TPGS2: variants seen among roughly 807,000 people sequenced by gnomAD.
The protein encoded by TPGS2 is tubulin polyglutamylase complex subunit 2.
Under a neutral mutation model 31.1 loss-of-function variants are expected in TPGS2, and 26 were observed. The observed-to-expected ratio is 0.84, with a 90% confidence interval of 0.61 to 1.16. The LOEUF is 1.16. TPGS2 is among the 50% of genes most tolerant of loss of function. The probability of loss-of-function intolerance (pLI) is 0.00; values close to 1 mark genes in which losing one functional copy is unlikely to be tolerated. For synonymous variants in TPGS2, 130 were observed against 136.6 expected, an observed-to-expected ratio of 0.95 and a Z score of 0.34; for missense variants, 351 against 363.8, an observed-to-expected ratio of 0.96 and a Z score of 0.29.
In TPGS2 at chr18:36,818,916, T is replaced by G. The variant is rs764918157; in HGVS notation, c.143A>C (p.His48Pro). 17 of 1,613,672 alleles carry G rather than the reference T, an allele frequency of 1.1e-5. No homozygotes were observed. Among genetic ancestry groups the G allele is most frequent in the Non-Finnish European group, 1.4e-5 (17 of 1,179,782 alleles). ...TIIEKPPAERHMISSWEQKNN... is the reference protein window; with the variant it reads ...TIIEKPPAERPMISSWEQKNN... ...TACTTGTTCCCAGGAAGAAATCATA[T>G]GACGTTCAGCAGGAGGCTTTTCTAT... The change falls in exon 2 of 7, where the codon CAT (histidine) becomes CCT (proline). Residue 48 changes from histidine to proline, a missense_variant. His to Pro is a moderately conservative substitution (Grantham distance 77, BLOSUM62 -2). Transcript: ENST00000334295.
chr18:36,810,406 A>C (rs2045367232), intron 2 of TPGS2, among the ~76,000 whole-genome samples: 1 of 151,998 alleles, frequency 6.6e-6, no homozygotes, highest in Non-Finnish European at 1.5e-5. Flanking sequence ...TTCTGTTCTA[A>C]CCAACCTGAA....
At chr18:36,798,027 A>C (rs2044617963) in intron 6 of TPGS2, 1 of 381,398 alleles carries the variant, frequency 2.6e-6, no homozygotes, top group African/African-American at 2.1e-5. Flanking sequence ...GTGTGCATGC[A>C]TGCTTTATGT....
chr18:36,818,897 T>C lies in TPGS2; in HGVS notation c.162A>G (p.Glu54=). 6.2e-7 allele frequency: 1 copy of C among 1,613,502 alleles called. No homozygotes were observed. Among genetic ancestry groups the C allele is most frequent in the Non-Finnish European group, 8.5e-7 (1 of 1,179,516 alleles). Residue 54 remains glutamate, a synonymous_variant, in exon 2 of 7, where the codon GAA becomes GAG. Coordinates refer to ENST00000334295, the MANE Select transcript of TPGS2 (RefSeq NM_015476.4). The stretch of plus-strand genomic sequence containing the variant: ...GAGTTCATGTGGCAACACTTACTTG[T>C]TCCCAGGAAGAAATCATATGACGTT... ...PAERHMISSW[E]QKNNCVMPED... is the part of the protein sequence containing the mutation.
chr18:36,791,515 G>A (rs977457212), downstream of TPGS2, among the ~76,000 whole-genome samples: 1 of 152,190 alleles, frequency 6.6e-6, no homozygotes, highest in African/African-American at 2.4e-5. Flanking sequence ...CCAAGCTGGA[G>A]TTTTGGAGAG....
At chr18:36,790,534 A>C (rs2044273666), downstream of TPGS2, among the ~76,000 whole-genome samples, 1 of 152,248 alleles carries the variant, frequency 6.6e-6, no homozygotes, top group Non-Finnish European at 1.5e-5. Flanking sequence ...ACAAAGGTAC[A>C]CTGTCCGATA....
chr18:36,795,767 T>TAAGC lies in TPGS2; in HGVS notation c.*1034_*1037dup, dbSNP rs766541493. 9.1e-6 allele frequency: 9 copies of TAAGC among 985,474 alleles called. No homozygotes were observed. The highest frequency in any genetic ancestry group is 1.1e-5 in the Non-Finnish European group (9 of 829,934). 61.0% of individuals were successfully genotyped at this position (985,474 alleles called of 1,614,324 possible). On this transcript the variant is annotated 3_prime_UTR_variant, in exon 7 of 7. Transcript: ENST00000334295. The stretch of plus-strand genomic sequence containing the variant: ...GAACTCTTGGAAGCCCACCCTGTTC[T>TAAGC]AAGCAGGAGACTGCTTGTCCTAAGG...
Position 36,807,833 on chromosome 18 carries a change from G to A in TPGS2, c.253+14C>T. ...CAGCCAGGGAAATGTTCTCCTACAAGGAGGCTGACTCACCATCCAGCTTCA... is the reference window on the plus strand; with the variant it reads ...CAGCCAGGGAAATGTTCTCCTACAAAGAGGCTGACTCACCATCCAGCTTCA... On this transcript the variant is annotated intron_variant, in intron 3 of 6. Transcript: ENST00000334295. 6.2e-7 allele frequency: 1 copy of A among 1,612,568 alleles called. No homozygotes were observed. Among genetic ancestry groups the A allele is most frequent in the South Asian group, 1.1e-5 (1 of 91,008 alleles).
intron 6 of TPGS2, chr18:36,786,913 C>T (rs1450831587): frequency 4.1e-6 from 5 of 1,234,246 alleles, no homozygotes; most frequent in South Asian, 4.1e-5. Context: ...GTTGGATTGG[C>T]GCCTGCTGCA....
intron 2 of TPGS2, among the ~76,000 whole-genome samples, chr18:36,811,660 T>C (rs1302093881): frequency 6.6e-6 from 1 of 152,172 alleles, no homozygotes; most frequent in Non-Finnish European, 1.5e-5. Flanking sequence ...TGTGGTAGCC[T>C]GAGTCTCAGG....
chr18:36,820,513 G>T (rs532669704), intron 1 of TPGS2, among the ~76,000 whole-genome samples: 1 of 152,294 alleles, frequency 6.6e-6, no homozygotes, highest in South Asian at 2.1e-4. Flanking sequence ...TGGTGTTGGG[G>T]ATATGGAAGA....
intron 6 of TPGS2, among the ~76,000 whole-genome samples, chr18:36,797,622 C>T (rs911723170): frequency 6.7e-6 from 1 of 148,822 alleles, no homozygotes; most frequent in Non-Finnish European, 1.5e-5. Flanking sequence ...AATTATGTGA[C>T]ATTTGAAGAA....
intron 6 of TPGS2, among the ~76,000 whole-genome samples, chr18:36,788,138 C>T (rs888435226): frequency 6.6e-6 from 1 of 152,116 alleles, no homozygotes; most frequent in African/African-American, 2.4e-5. Context: ...ATATTGAAGA[C>T]GGATTACCAT....
exon 7 of TPGS2, chr18:36,783,010 C>A (rs1391535424): frequency 7.5e-6 from 3 of 398,218 alleles, no homozygotes; most frequent in Non-Finnish European, 1.3e-5. Flanking sequence ...TGTCAAGGAG[C>A]AGTCGGGGTG....
intron 2 of TPGS2, among the ~76,000 whole-genome samples, chr18:36,816,539 C>T (rs2150663255): frequency 6.6e-6 from 1 of 152,294 alleles, no homozygotes. Flanking sequence ...GTCCTCTCAC[C>T]TTCCAATCCA....
intron 4 of TPGS2, among the ~76,000 whole-genome samples, chr18:36,802,573 G>A (rs1654890712): frequency 6.6e-6 from 1 of 151,846 alleles, no homozygotes; most frequent in African/African-American, 2.4e-5. Flanking sequence ...GGGCATATAA[G>A]CATATCGTTT....
At chr18:36,812,165 A>T (rs1015184985) in intron 2 of TPGS2, among the ~76,000 whole-genome samples, 12 of 152,224 alleles carry the variant, frequency 7.9e-5, no homozygotes, top group African/African-American at 2.9e-4. Flanking sequence ...TGTGAAATAA[A>T]TATTTGGTCT....
Position 36,795,734 on chromosome 18 carries a change from T to C in TPGS2, c.*1071A>G. On this transcript the variant is annotated 3_prime_UTR_variant, in exon 7 of 7. Transcript: ENST00000334295. ...GATTTCTGAATTACAGGCAACTTGC[T>C]TCCAAAGGAACTCTTGGAAGCCCAC... 1 of 985,454 alleles carries C rather than the reference T, an allele frequency of 1.0e-6. No individual in the cohort carries two copies. Among genetic ancestry groups the C allele is most frequent in the Non-Finnish European group, 1.2e-6 (1 of 829,938 alleles). The allele number at this position is 985,454 out of a possible 1,614,324, so 61.0% of individuals were successfully genotyped here.
chr18:36,800,891 CA>C (rs1001009990), intron 4 of TPGS2, among the ~76,000 whole-genome samples: 1 of 152,108 alleles, frequency 6.6e-6, no homozygotes, highest in Non-Finnish European at 1.5e-5. Flanking sequence ...AGTTTCACCA[CA>C]TTGGCCAGAC....
In TPGS2 at chr18:36,798,852, C is replaced by T. The variant is rs1193220319; in HGVS notation, c.497-243G>A. Among the ~76,000 whole-genome samples the T allele has an allele frequency of 5.3e-5, 8 of 152,308 alleles. No homozygotes were observed. The East Asian group carries it at 1.2e-3, about 22-fold the overall frequency. On this transcript the variant is annotated intron_variant, in intron 5 of 6. Transcript: ENST00000334295. The stretch of plus-strand genomic sequence containing the variant: ...CTAGATCAGTAGATTGATCTATCTG[C>T]TGGTCTCTGACCATCTGGAAGTCCA...
Sources: allele counts gnomAD v4.1 joint callset (sites outside exome capture counted in the v4.1 genomes callset), GRCh38; gene constraint gnomAD v4.1.1; transcripts MANE v1.5; gene names NCBI Gene and HGNC (gene_info 2026-07-23, HGNC 2026-07-21).